The following SFMBT2 variants were observed in gnomAD, a reference collection of about 807,000 sequenced individuals.
The protein encoded by SFMBT2 is Scm like with four mbt domains 2.
Under a neutral mutation model 110.1 loss-of-function variants are expected in SFMBT2, and 38 were observed. The observed-to-expected ratio is 0.35, with a 90% CI of 0.27 to 0.45. The LOEUF (loss-of-function observed/expected upper bound fraction) is 0.45. SFMBT2 is among the 20% of genes least tolerant of loss of function. The pLI, the probability that SFMBT2 is intolerant of heterozygous loss-of-function variation, is 1.00. For missense variants in SFMBT2, 1,011 were observed against 1,094.9 expected, an observed-to-expected ratio of 0.92 and a Z score of 1.08; for synonymous variants, 425 against 425.4, an observed-to-expected ratio of 1.00 and a Z score of 0.01.
chr10:7,263,845 G>C (rs1370393180), intron 7 of SFMBT2, among the ~76,000 whole-genome samples: 1 of 152,166 alleles, frequency 6.6e-6, no homozygotes, highest in Admixed American at 6.5e-5. Context: ...CCCTTTGGCT[G>C]TACCAGACGG....
At chr10:7,373,913 T>C (rs1161798690) in intron 2 of SFMBT2, among the ~76,000 whole-genome samples, 1 of 151,962 alleles carries the variant, frequency 6.6e-6, no homozygotes, top group Non-Finnish European at 1.5e-5. Context: ...CCGAGAATGA[T>C]AGCTGCTGAA....
intron 1 of SFMBT2, among the ~76,000 whole-genome samples, chr10:7,384,926 C>T (rs1290169438): frequency 6.6e-6 from 1 of 152,212 alleles, no homozygotes; most frequent in Non-Finnish European, 1.5e-5. Flanking sequence ...GACCTGCTCA[C>T]ACCTTGTCTC....
chr10:7,163,542 CTGAT>C lies in SFMBT2; in HGVS notation c.*224_*227del. On this transcript the variant is annotated 3_prime_UTR_variant, in exon 21 of 21. Coordinates refer to ENST00000397167, the MANE Select transcript of SFMBT2 (RefSeq NM_001387889.1). The surrounding 1 kb of genome is among the most constrained non-coding windows in gnomAD (Gnocchi z 4.8). ...GAAGCAGGCCCACGTCTGGCAGGGTCTGATGCATGACTTTAACTGGCACTCCCCA... is the reference window on the plus strand; with the variant it reads ...GAAGCAGGCCCACGTCTGGCAGGGTCGCATGACTTTAACTGGCACTCCCCA... The C allele has an allele frequency of 2.0e-6, 1 of 490,752 alleles. No homozygotes were observed. 30.4% of individuals were successfully genotyped at this position (490,752 alleles called of 1,614,324 possible).
intron 7 of SFMBT2, among the ~76,000 whole-genome samples, chr10:7,249,808 A>G (rs1840743255): frequency 1.3e-5 from 2 of 152,230 alleles, no homozygotes; most frequent in South Asian, 4.1e-4. Flanking sequence ...AACAGAATGT[A>G]AACGCCTATA....
chr10:7,391,422 C>T (rs1845760911), intron 1 of SFMBT2, among the ~76,000 whole-genome samples: 2 of 150,392 alleles, frequency 1.3e-5, no homozygotes, highest in South Asian at 2.1e-4. Context: ...GCCAAGATAG[C>T]GCTACTGCAC....
chr10:7,402,618 TAG>T (rs1846109771), intron 1 of SFMBT2, among the ~76,000 whole-genome samples: 1 of 152,136 alleles, frequency 6.6e-6, no homozygotes. Context: ...TTAAAAGAAG[TAG>T]AGTTATTTTC....
At position 7,231,965 on chromosome 10, in the gene SFMBT2, G is replaced by A. The variant is rs185620113; in HGVS notation, c.1121-4028C>T. 6.7e-4 allele frequency among the ~76,000 whole-genome samples: 102 copies of A among 152,274 alleles called. 2 individuals are homozygous for A. The highest frequency in any genetic ancestry group is 2.0e-3 in the Admixed American group (31 of 15,288). On this transcript the variant is annotated intron_variant, in intron 9 of 20. Coordinates refer to ENST00000397167, the MANE Select transcript of SFMBT2 (RefSeq NM_001387889.1). ...TTAATCAACAAAGACAGAACAAGAC[G>A]TACTAAGGCTTAACTGTGGCCAGGA... is the stretch of plus-strand genomic sequence containing the variant.
At chr10:7,373,735 A>G (rs2132063943) in intron 2 of SFMBT2, among the ~76,000 whole-genome samples, 1 of 152,308 alleles carries the variant, frequency 6.6e-6, no homozygotes, top group Non-Finnish European at 1.5e-5. Flanking sequence ...ACAGCCAAAA[A>G]AGCAGGAAAA....
chr10:7,167,040 A>G (rs539715636), intron 20 of SFMBT2, among the ~76,000 whole-genome samples: 1 of 152,366 alleles, frequency 6.6e-6, no homozygotes, highest in African/African-American at 2.4e-5. Context: ...ATGATAAGAT[A>G]TACGACATGC....
chr10:7,255,797 T>C (rs1313974740), intron 7 of SFMBT2, among the ~76,000 whole-genome samples: 1 of 152,212 alleles, frequency 6.6e-6, no homozygotes, highest in Admixed American at 6.5e-5. Flanking sequence ...AGGTTCTGTG[T>C]ATACAAACTG....
intron 7 of SFMBT2, among the ~76,000 whole-genome samples, chr10:7,256,383 G>A (rs1035605379): frequency 1.3e-5 from 2 of 152,226 alleles, no homozygotes; most frequent in Non-Finnish European, 2.9e-5. Context: ...AAGTTAAAAA[G>A]TGATAGCTAC....
rs963194658 is a variant in SFMBT2, at chr10:7,165,996, G to A, written c.2545-2086C>T. 2.6e-5 allele frequency among the ~76,000 whole-genome samples: 4 copies of A among 152,282 alleles called. No individual in the cohort carries two copies. In the East Asian group the frequency reaches 5.8e-4, roughly 22 times the overall value. ...GTAATACATCAAATTACACCAAGAG[G>A]GCATGGGTGTAGGGACTCAAAGTCT... On this transcript the variant is annotated intron_variant, in intron 20 of 20. Coordinates refer to ENST00000397167, the MANE Select transcript of SFMBT2 (RefSeq NM_001387889.1).
At chr10:7,319,552 TA>T (rs889930808) in intron 4 of SFMBT2, among the ~76,000 whole-genome samples, 6 of 152,216 alleles carry the variant, frequency 3.9e-5, no homozygotes, top group African/African-American at 1.4e-4. Flanking sequence ...TCAGTTATGG[TA>T]TATCAGGAAG....
chr10:7,348,262 C>T (rs1412393943), intron 4 of SFMBT2: 14 of 1,496,424 alleles, frequency 9.4e-6, no homozygotes, highest in South Asian at 6.6e-5. Flanking sequence ...GTGACGGTCT[C>T]GAAGAAGTTT....
rs1377985815 is a variant in SFMBT2, at chr10:7,285,846, T to C, written c.525+20A>G. On this transcript the variant is annotated intron_variant, in intron 5 of 20. Transcript: ENST00000397167. ...TGGGGTGCTTCAGAGATACATTAGA[T>C]GTATAACAACAATACATACACCTTC... The C allele has an allele frequency of 2.3e-6, 2 of 870,540 alleles. No homozygotes were observed. The highest frequency in any genetic ancestry group is 2.4e-5 in the East Asian group (1 of 41,704). The allele number at this position is 870,540 out of a possible 1,614,324, so 53.9% of individuals were successfully genotyped here.
chr10:7,381,956 GC>G lies in SFMBT2; in HGVS notation c.-51-8del. ...ATCCTGCAGAAAAAATTACCTAAGAGCAATCAAAAAAAAAAAAATCAGAGCA... is the reference window on the plus strand; with the variant it reads ...ATCCTGCAGAAAAAATTACCTAAGAGAATCAAAAAAAAAAAAATCAGAGCA... On this transcript the variant is annotated splice_region_variant and splice_polypyrimidine_tract_variant and intron_variant, in intron 1 of 20. Transcript: ENST00000397167. The G allele has an allele frequency of 1.4e-6, 2 of 1,411,576 alleles. No homozygotes were observed. Among genetic ancestry groups the G allele is most frequent in the Admixed American group, 2.5e-5 (1 of 39,980 alleles). 87.4% of individuals were successfully genotyped at this position (1,411,576 alleles called of 1,614,324 possible). A position where few individuals can be genotyped will look rare whatever the true frequency, so the allele number is the denominator to read the frequency against.
chr10:7,251,812 C>T (rs111562899), intron 7 of SFMBT2, among the ~76,000 whole-genome samples: 2,125 of 152,252 alleles, frequency 0.014, 22 homozygotes, highest in South Asian at 0.046. Context: ...CTGCAGCCTG[C>T]CCCTCACCAG....
chr10:7,200,594 G>A, intron 13 of SFMBT2, 110 bp from the exon 14 acceptor site: 1 of 820,212 alleles, frequency 1.2e-6, no homozygotes, highest in South Asian at 2.2e-5. Context: ...TCTCAGATAA[G>A]AGGACCATAG....
chr10:7,302,173 T>C (rs1360028921), intron 4 of SFMBT2, among the ~76,000 whole-genome samples: 1 of 152,208 alleles, frequency 6.6e-6, no homozygotes, highest in African/African-American at 2.4e-5. Flanking sequence ...TTCGTGCCTG[T>C]GTCCTCAGCT....
Sources: gnomAD v4.1 joint callset for allele counts (sites outside exome capture counted in the v4.1 genomes callset) on GRCh38, gnomAD v4.1.1 for gene constraint, Gnocchi (gnomAD v3.1) non-coding constraint, MANE v1.5 for transcripts, NCBI Gene and HGNC (gene_info 2026-07-23, HGNC 2026-07-21) for gene names.